Variants in IL1RAPL1 observed in about 807,000 individuals in gnomAD.
IL1RAPL1 encodes interleukin 1 receptor accessory protein like 1, also known as interleukin-1 receptor accessory protein-like 1.
IL1RAPL1 carries 3 observed loss-of-function variants against 48.4 expected under a neutral mutation model. That is an observed-to-expected ratio of 0.06 (90% confidence interval 0.03 to 0.16). IL1RAPL1 has a LOEUF of 0.16. Among genes scored for constraint, IL1RAPL1 ranks in the 10% least tolerant of loss-of-function variants. The pLI is 1.00. For synonymous variants in IL1RAPL1, 185 were observed against 187.7 expected (o/e 0.99, Z 0.12); for missense variants, 349 against 530.6 (o/e 0.66, Z 3.36).
chrX:29,372,713 T>C (rs1295844576), intron 3 of IL1RAPL1, among the ~76,000 whole-genome samples: 3 of 110,062 alleles, frequency 2.7e-5, no homozygotes, highest in African/African-American at 6.6e-5. Flanking sequence ...AAAGATCAGA[T>C]TGTTGTAGGT....
chrX:28,895,279 G>GT (rs1420419762), intron 2 of IL1RAPL1, among the ~76,000 whole-genome samples: 1 of 110,634 alleles, frequency 9.0e-6, no homozygotes, highest in Non-Finnish European at 1.9e-5. Flanking sequence ...TGTAAGGGGA[G>GT]TTATAGGCTT....
chrX:28,964,071 A>G (rs945315584), intron 2 of IL1RAPL1, among the ~76,000 whole-genome samples: 1 of 111,645 alleles, frequency 9.0e-6, no homozygotes, highest in African/African-American at 3.2e-5. Flanking sequence ...TAAATATGAC[A>G]TCATTTAAAG....
intron 2 of IL1RAPL1, among the ~76,000 whole-genome samples, chrX:28,998,610 A>G (rs931700980): frequency 8.9e-6 from 1 of 112,196 alleles, no homozygotes; most frequent in Non-Finnish European, 1.9e-5. Context: ...ATTGAAACTC[A>G]ATGCTTTTGC....
At chrX:29,247,431 C>G (rs1258144164) in intron 2 of IL1RAPL1, among the ~76,000 whole-genome samples, 1 of 105,877 alleles carries the variant, frequency 9.4e-6, no homozygotes, top group East Asian at 2.8e-4. Context: ...ATAACACGGA[C>G]AGAGAAATAA....
intron 2 of IL1RAPL1, among the ~76,000 whole-genome samples, chrX:29,240,224 ATTTTTTTTTTTT>A (rs55639151): frequency 1.5e-4 from 2 of 13,342 alleles, no homozygotes; most frequent in Non-Finnish European, 2.2e-4. Context: ...ATATATATAT[ATTTTTTTTTTTT>A]TTTTTTTTTT....
intron 6 of IL1RAPL1, among the ~76,000 whole-genome samples, chrX:29,777,923 T>C (rs894218244): frequency 1.9e-5 from 2 of 106,983 alleles, no homozygotes; most frequent in African/African-American, 7.3e-5. Flanking sequence ...TTTTATAAAT[T>C]AATCTTGTTT....
chrX:28,931,910 T>C (rs1923892134), intron 2 of IL1RAPL1, among the ~76,000 whole-genome samples: 1 of 107,738 alleles, frequency 9.3e-6, no homozygotes, highest in Non-Finnish European at 1.9e-5. Flanking sequence ...GGCGTGGTGG[T>C]GGGCACCTGT....
At chrX:29,871,536 C>T (rs1212198819) in intron 6 of IL1RAPL1, among the ~76,000 whole-genome samples, 1 of 111,878 alleles carries the variant, frequency 8.9e-6, no homozygotes, top group Non-Finnish European at 1.9e-5. Context: ...TAGTGTCTGA[C>T]CTGAAAGTGA....
At chrX:29,150,823 G>C (rs1021216581) in intron 2 of IL1RAPL1, among the ~76,000 whole-genome samples, 2 of 107,342 alleles carry the variant, frequency 1.9e-5, no homozygotes, top group African/African-American at 3.4e-5. Flanking sequence ...TCAGGAGGCC[G>C]AGGCAGGAGA....
At chrX:29,720,811 C>T (rs1927620278) in intron 6 of IL1RAPL1, among the ~76,000 whole-genome samples, 1 of 111,362 alleles carries the variant, frequency 9.0e-6, no homozygotes, top group Non-Finnish European at 1.9e-5. Flanking sequence ...AACAGAATTG[C>T]CCAGCGTAAC....
At chrX:28,824,571 ATCC>A (rs1411468070) in intron 2 of IL1RAPL1, among the ~76,000 whole-genome samples, 2 of 110,964 alleles carry the variant, frequency 1.8e-5, no homozygotes, top group African/African-American at 6.6e-5. Context: ...GTTCTGTCCT[ATCC>A]TCCTACCACA....
At chrX:29,221,297 T>G (rs1427608792) in intron 2 of IL1RAPL1, among the ~76,000 whole-genome samples, 3 of 111,764 alleles carry the variant, frequency 2.7e-5, no homozygotes, top group Non-Finnish European at 3.8e-5. Context: ...TTAACAAAAA[T>G]TAAATTGCTT....
intron 2 of IL1RAPL1, among the ~76,000 whole-genome samples, chrX:29,006,498 G>A (rs368544081): frequency 3.9e-5 from 4 of 103,774 alleles, no homozygotes; most frequent in African/African-American, 1.1e-4. Flanking sequence ...TGGGCAACAA[G>A]AGCAAAACGC....
At chrX:29,737,132 C>A (rs765901701) in intron 6 of IL1RAPL1, among the ~76,000 whole-genome samples, 17 of 112,118 alleles carry the variant, frequency 1.5e-4, no homozygotes, top group African/African-American at 4.9e-4. Context: ...GTTTCATCTT[C>A]CGCTCTGTTT....
At chrX:29,101,156 G>A (rs1179873145) in intron 2 of IL1RAPL1, among the ~76,000 whole-genome samples, 1 of 111,859 alleles carries the variant, frequency 8.9e-6, no homozygotes, top group Non-Finnish European at 1.9e-5. Context: ...TAAAATAAGA[G>A]ATGAAAGAGG....
chrX:29,276,574 TTTAG>T (rs4021443), intron 2 of IL1RAPL1, among the ~76,000 whole-genome samples: 38,685 of 111,420 alleles, frequency 0.35, 6,680 homozygotes, highest in Non-Finnish European at 0.52. Context: ...TGAACAGTTA[TTTAG>T]TTAATCACTA....
chrX:28,899,562 C>T (rs990454061), intron 2 of IL1RAPL1, among the ~76,000 whole-genome samples: 53 of 112,476 alleles, frequency 4.7e-4, no homozygotes, highest in African/African-American at 1.5e-3. Context: ...TGACAACTGG[C>T]TTTCTTTGCT....
chrX:29,043,311 A>G (rs1406798238), intron 2 of IL1RAPL1, among the ~76,000 whole-genome samples: 1 of 110,824 alleles, frequency 9.0e-6, no homozygotes, highest in Non-Finnish European at 1.9e-5. Context: ...CCCTATCCTC[A>G]TTTTTAATTC....
At chrX:29,699,084 T>C (rs1926988396) in intron 6 of IL1RAPL1, among the ~76,000 whole-genome samples, 1 of 112,527 alleles carries the variant, frequency 8.9e-6, no homozygotes, top group Non-Finnish European at 1.9e-5. Context: ...TAATTCATCT[T>C]TTTTAACAGG....
Sources: gnomAD v4.1 joint callset for allele counts (sites outside exome capture counted in the v4.1 genomes callset) on GRCh38, gnomAD v4.1.1 for gene constraint, MANE v1.5 for transcripts, NCBI Gene and HGNC (gene_info 2026-07-23, HGNC 2026-07-21) for gene names.